PTPRD: variants seen among roughly 807,000 people sequenced by gnomAD.
PTPRD encodes the protein receptor-type tyrosine-protein phosphatase delta.
A neutral mutation model predicts 214.5 loss-of-function variants in PTPRD; 34 were observed. The observed-to-expected ratio is 0.16, with a 90% CI of 0.12 to 0.21. PTPRD has a LOEUF of 0.21. Ranked by LOEUF, PTPRD falls within the 10% of genes least tolerant of loss-of-function variation. The pLI is 1.00. For missense variants in PTPRD, 2,545 were observed against 2,398.7 expected (o/e 1.06, Z -1.27); for synonymous variants, 1,128 against 845.7 (o/e 1.33, Z -5.79).
At chr9:10,234,476 C>T (rs1304300217) in intron 3 of PTPRD, among the ~76,000 whole-genome samples, 1 of 151,602 alleles carries the variant, frequency 6.6e-6, no homozygotes, top group Non-Finnish European at 1.5e-5. Flanking sequence ...GAATTAAACC[C>T]TTAGAGGATA....
chr9:9,835,416 C>A (rs1310228362), intron 5 of PTPRD, among the ~76,000 whole-genome samples: 1 of 152,048 alleles, frequency 6.6e-6, no homozygotes, highest in Non-Finnish European at 1.5e-5. Flanking sequence ...GGCTTTCTAA[C>A]TTGTAAAGGT....
rs887229408 is a variant in PTPRD at position 9,687,656 on chromosome 9, A to G, written c.-287+46877T>C. Among the ~76,000 whole-genome samples, 21 of 151,938 alleles carry G rather than the reference A, an allele frequency of 1.4e-4. No individual in the cohort carries two copies. The East Asian group carries it at 3.5e-3, about 25-fold the overall frequency. ...AAAAAGAAAAAAAAAAGATTATGCA[A>G]TCTTTAACATGATATTAAAATGCCT... On this transcript the variant is annotated intron_variant, in intron 7 of 45. Transcript: ENST00000381196.
At chr9:9,121,715 T>C (rs1438579160) in intron 10 of PTPRD, among the ~76,000 whole-genome samples, 2 of 152,268 alleles carry the variant, frequency 1.3e-5, no homozygotes, top group East Asian at 1.9e-4. Context: ...ACAGATATGG[T>C]GCAGTGTATA....
chr9:10,418,310 G>A (rs113040565), intron 2 of PTPRD, among the ~76,000 whole-genome samples: 2,177 of 151,782 alleles, frequency 0.014, 39 homozygotes, highest in African/African-American at 0.042. Context: ...AATGAAAAAT[G>A]TACACTTCGC....
chr9:10,097,878 C>T (rs1156672213), intron 3 of PTPRD, among the ~76,000 whole-genome samples: 2 of 151,636 alleles, frequency 1.3e-5, no homozygotes, highest in African/African-American at 2.4e-5. Context: ...TGTAGGAACA[C>T]TTTCACACTG....
At chr9:9,059,029 T>C (rs2099702318) in intron 10 of PTPRD, among the ~76,000 whole-genome samples, 1 of 152,138 alleles carries the variant, frequency 6.6e-6, no homozygotes, top group South Asian at 2.1e-4. Context: ...GGGTAGGTCT[T>C]ATACTTAGGG....
chr9:9,551,281 A>G (rs748404402), intron 8 of PTPRD, among the ~76,000 whole-genome samples: 11 of 151,998 alleles, frequency 7.2e-5, no homozygotes, highest in Non-Finnish European at 1.3e-4. Flanking sequence ...TATAAAGCTG[A>G]CAAACGGAGG....
intron 3 of PTPRD, among the ~76,000 whole-genome samples, chr9:10,160,986 A>G (rs2099124144): frequency 6.6e-6 from 1 of 151,946 alleles, no homozygotes; most frequent in Admixed American, 6.6e-5. Context: ...CAAAGAATAT[A>G]AAATGCCTAG....
chr9:9,067,001 G>C (rs1339913653), intron 10 of PTPRD, among the ~76,000 whole-genome samples: 1 of 152,218 alleles, frequency 6.6e-6, no homozygotes, highest in African/African-American at 2.4e-5. Context: ...CCAGCACTTT[G>C]GGAGGCTGAG....
At chr9:9,302,603 T>TTC (rs1555200183) in intron 9 of PTPRD, among the ~76,000 whole-genome samples, 2 of 117,822 alleles carry the variant, frequency 1.7e-5, no homozygotes, top group African/African-American at 3.2e-5. Context: ...TTTTTTTTCT[T>TTC]TTTTTTTTTT....
intron 3 of PTPRD, among the ~76,000 whole-genome samples, chr9:10,203,416 C>G (rs2099442797): frequency 6.6e-6 from 1 of 151,970 alleles, no homozygotes; most frequent in Admixed American, 6.6e-5. Flanking sequence ...TGGCTACCCC[C>G]CAGGACATTT....
At chr9:9,402,314 A>T (rs1263510024) in intron 8 of PTPRD, among the ~76,000 whole-genome samples, 1 of 152,140 alleles carries the variant, frequency 6.6e-6, no homozygotes, top group African/African-American at 2.4e-5. Flanking sequence ...TCAATCTTAA[A>T]GAAGAGCCTT....
chr9:10,310,122 C>T (rs995460887), intron 3 of PTPRD, among the ~76,000 whole-genome samples: 2 of 151,940 alleles, frequency 1.3e-5, no homozygotes, highest in African/African-American at 4.8e-5. Flanking sequence ...AACAAGAAGC[C>T]TTTATGGAGA....
intron 12 of PTPRD, among the ~76,000 whole-genome samples, chr9:8,683,127 A>G (rs569198756): frequency 1.3e-5 from 2 of 152,296 alleles, no homozygotes; most frequent in South Asian, 2.1e-4. Flanking sequence ...GGCTTGGAAG[A>G]AAAGGTGGAT....
At chr9:10,355,361 T>A (rs1393740983) in intron 2 of PTPRD, among the ~76,000 whole-genome samples, 1 of 145,842 alleles carries the variant, frequency 6.9e-6, no homozygotes, top group East Asian at 2.0e-4. Context: ...ACTTTGCTAA[T>A]GTGAACTGTT....
intron 2 of PTPRD, among the ~76,000 whole-genome samples, chr9:10,484,520 TC>T (rs755945884): frequency 3.8e-4 from 58 of 152,128 alleles, no homozygotes; most frequent in Non-Finnish European, 6.9e-4. Flanking sequence ...ACGAGGGTTC[TC>T]TTTTCTCCAT....
intron 3 of PTPRD, among the ~76,000 whole-genome samples, chr9:10,211,639 T>C (rs993062309): frequency 6.6e-6 from 1 of 152,162 alleles, no homozygotes; most frequent in Non-Finnish European, 1.5e-5. Context: ...TTACATAATG[T>C]CTTTTGCCCC....
At chr9:10,385,554 C>A (rs1355611523) in intron 2 of PTPRD, among the ~76,000 whole-genome samples, 1 of 151,620 alleles carries the variant, frequency 6.6e-6, no homozygotes, top group African/African-American at 2.4e-5. Flanking sequence ...ATTCTCTTTC[C>A]TGAAAATGAA....
chr9:8,942,670 T>C (rs189476841), intron 11 of PTPRD, among the ~76,000 whole-genome samples: 11 of 152,264 alleles, frequency 7.2e-5, no homozygotes, highest in Admixed American at 6.5e-4. Flanking sequence ...AATTTTTTTT[T>C]TGAAAGGGAA....
Sources: allele counts gnomAD v4.1 joint callset (sites outside exome capture counted in the v4.1 genomes callset), GRCh38; gene constraint gnomAD v4.1.1; transcripts MANE v1.5; gene names NCBI Gene and HGNC (gene_info 2026-07-23, HGNC 2026-07-21).